The following SNTG1 variants were observed in gnomAD, a reference collection of about 807,000 sequenced individuals.
The protein encoded by SNTG1 is syntrophin gamma 1.
SNTG1 carries 39 observed loss-of-function variants against 74.7 expected under a neutral mutation model. The observed-to-expected ratio is 0.52, with a 90% CI of 0.40 to 0.68. The LOEUF is 0.68. Ranked by LOEUF, SNTG1 falls within the 30% of genes least tolerant of loss-of-function variation. SNTG1 has a pLI of 0.00. For missense variants in SNTG1, 685 were observed against 609.5 expected, an observed-to-expected ratio of 1.12 and a Z score of -1.30; for synonymous variants, 254 against 217.1, an observed-to-expected ratio of 1.17 and a Z score of -1.49.
intron 18 of SNTG1, among the ~76,000 whole-genome samples, chr8:50,789,895 G>T (rs1341866182): frequency 6.6e-6 from 1 of 152,006 alleles, no homozygotes; most frequent in Middle Eastern, 3.4e-3. Context: ...TGATCTCATT[G>T]TCTGCCAAGT....
intron 1 of SNTG1, among the ~76,000 whole-genome samples, chr8:49,971,334 T>G (rs546830414): frequency 6.6e-6 from 1 of 152,082 alleles, no homozygotes; most frequent in African/African-American, 2.4e-5. Flanking sequence ...TGCTGAAAAC[T>G]CTCAATAAAT....
intron 1 of SNTG1, among the ~76,000 whole-genome samples, chr8:49,979,632 G>A (rs1463277397): frequency 2.0e-5 from 3 of 152,092 alleles, no homozygotes; most frequent in South Asian, 4.1e-4. Flanking sequence ...GCTTGTCGTC[G>A]CGCTCTAGGG....
chr8:50,791,865 ACT>A (rs2095691564), intron 18 of SNTG1, among the ~76,000 whole-genome samples: 2 of 151,808 alleles, frequency 1.3e-5, no homozygotes, highest in South Asian at 2.1e-4. Context: ...TAATAATAAT[ACT>A]AGCAACATCA....
intron 2 of SNTG1, among the ~76,000 whole-genome samples, chr8:50,306,047 C>T (rs1285631444): frequency 6.9e-6 from 1 of 145,184 alleles, no homozygotes; most frequent in Non-Finnish European, 1.5e-5. Flanking sequence ...CTACCCCCCT[C>T]CCACCCTCCC....
At chr8:50,434,917 A>T (rs2170373) in intron 4 of SNTG1, among the ~76,000 whole-genome samples, 105,350 of 151,848 alleles carry the variant, frequency 0.69, 40,582 homozygotes, top group Non-Finnish European at 0.86. Flanking sequence ...TAGTTTCTGC[A>T]TGATTTCCAC....
intron 8 of SNTG1, among the ~76,000 whole-genome samples, chr8:50,454,808 C>T (rs1381605269): frequency 7.0e-6 from 1 of 142,008 alleles, no homozygotes; most frequent in African/African-American, 2.7e-5. Context: ...TGCCACTGCA[C>T]TCCAGCCTGT....
chr8:50,307,888 C>T (rs1474840843), intron 2 of SNTG1, among the ~76,000 whole-genome samples: 1 of 151,908 alleles, frequency 6.6e-6, no homozygotes, highest in Non-Finnish European at 1.5e-5. Flanking sequence ...CTTTCTGTTG[C>T]CCTGTGAATT....
At chr8:50,600,264 T>C (rs2094762925) in intron 13 of SNTG1, among the ~76,000 whole-genome samples, 1 of 152,184 alleles carries the variant, frequency 6.6e-6, no homozygotes, top group South Asian at 2.1e-4. Context: ...AATTTTTTTT[T>C]TCAGATATGC....
intron 13 of SNTG1, among the ~76,000 whole-genome samples, chr8:50,615,157 T>C (rs555020313): frequency 1.3e-5 from 2 of 152,200 alleles, no homozygotes; most frequent in East Asian, 3.9e-4. Context: ...AGACGGGGTT[T>C]CACCAGTTTA....
At chr8:50,647,919 A>C (rs1470882468) in intron 13 of SNTG1, among the ~76,000 whole-genome samples, 1 of 151,844 alleles carries the variant, frequency 6.6e-6, no homozygotes, top group Admixed American at 6.6e-5. Flanking sequence ...TAAGAGATAC[A>C]CTGTTTCTTT....
At chr8:50,473,703 A>G (rs114580085) in intron 8 of SNTG1, among the ~76,000 whole-genome samples, 58 of 152,278 alleles carry the variant, frequency 3.8e-4, no homozygotes, top group African/African-American at 1.3e-3. Flanking sequence ...ACAAAATGTG[A>G]TATATACTTG....
chr8:50,222,730 C>G (rs1010553948), intron 2 of SNTG1, among the ~76,000 whole-genome samples: 1 of 152,020 alleles, frequency 6.6e-6, no homozygotes, highest in Non-Finnish European at 1.5e-5. Flanking sequence ...GCAGACAGAC[C>G]CTCAGCGGGG....
chr8:50,455,209 T>A (rs1299336922), intron 8 of SNTG1, among the ~76,000 whole-genome samples: 3 of 152,220 alleles, frequency 2.0e-5, no homozygotes, highest in Non-Finnish European at 1.5e-5. Flanking sequence ...ATAACTGAAA[T>A]TTCCATCTAA....
rs781547549 is a variant in SNTG1, at chr8:50,402,191, T to A, written c.28-19T>A. ...TAAGTATAATTTTTCCTCTGTTTGT[T>A]TTTTTTTTTAATCTGAAGACAAAGA... On this transcript the variant is annotated intron_variant, in intron 3 of 18. Coordinates refer to ENST00000642720, the MANE Select transcript of SNTG1 (RefSeq NM_018967.5). The A allele has an allele frequency of 1.3e-6, 2 of 1,554,960 alleles. No individual in the cohort carries two copies. Among genetic ancestry groups the A allele is most frequent in the Non-Finnish European group, 1.7e-6 (2 of 1,152,372 alleles).
At chr8:50,076,081 G>T (rs1027586171) in intron 1 of SNTG1, among the ~76,000 whole-genome samples, 14 of 152,184 alleles carry the variant, frequency 9.2e-5, no homozygotes, top group Admixed American at 9.2e-4. Flanking sequence ...TCCAATATCT[G>T]TAAAGTGCAA....
intron 2 of SNTG1, among the ~76,000 whole-genome samples, chr8:50,274,753 T>G (rs1274589102): frequency 2.6e-5 from 4 of 152,330 alleles, no homozygotes; most frequent in African/African-American, 9.6e-5. Flanking sequence ...CTGAAAGGTT[T>G]TAATCATTGA....
chr8:50,412,969 A>C (rs1331968513), intron 4 of SNTG1, among the ~76,000 whole-genome samples: 1 of 152,180 alleles, frequency 6.6e-6, no homozygotes, highest in Non-Finnish European at 1.5e-5. Flanking sequence ...TTGAATTGAG[A>C]CCAAAAAAGC....
chr8:50,642,904 C>T lies in SNTG1; in HGVS notation c.850-14005C>T, dbSNP rs72643652. On this transcript the variant is annotated intron_variant, in intron 13 of 18. Transcript: ENST00000642720. Reference sequence around the variant, plus strand: ...CCATCTATTTGGTTTCCTGCTGTGTCCAGTGTTTATGACAGAGGCTTGAAT... The same window carrying T: ...CCATCTATTTGGTTTCCTGCTGTGTTCAGTGTTTATGACAGAGGCTTGAAT... Among the ~76,000 whole-genome samples, 279 of 152,154 alleles carry T rather than the reference C, an allele frequency of 1.8e-3. 4 individuals carry two copies. Among genetic ancestry groups the T allele is most frequent in the Non-Finnish European group, 3.5e-3 (236 of 68,008 alleles).
At chr8:50,116,621 A>G (rs2080834021) in intron 1 of SNTG1, among the ~76,000 whole-genome samples, 1 of 152,170 alleles carries the variant, frequency 6.6e-6, no homozygotes, top group Non-Finnish European at 1.5e-5. Flanking sequence ...AAGCATGCCC[A>G]TTGGATGCAG....
Sources: gnomAD v4.1 joint callset for allele counts (sites outside exome capture counted in the v4.1 genomes callset) on GRCh38, gnomAD v4.1.1 for gene constraint, MANE v1.5 for transcripts, NCBI Gene and HGNC (gene_info 2026-07-23, HGNC 2026-07-21) for gene names.